PIN4: variants seen among roughly 807,000 people sequenced by gnomAD.
The protein encoded by PIN4 is peptidylprolyl cis/trans isomerase, NIMA-interacting 4, also known as peptidyl-prolyl cis-trans isomerase NIMA-interacting 4.
In PIN4, 3 loss-of-function variants were observed where a neutral mutation model predicts 8.3. That is an observed-to-expected ratio of 0.36 (90% CI 0.16 to 0.93). The LOEUF is 0.93. PIN4 is among the 40% of genes least tolerant of loss of function. PIN4 has a pLI of 0.44. For synonymous variants in PIN4, 18 were observed against 32.5 expected (o/e 0.55, Z 1.52); for missense variants, 75 against 100.6 (o/e 0.75, Z 1.09).
chrX:72,214,760 G>A (rs916367684), intron 3 of PIN4, among the ~76,000 whole-genome samples: 5 of 111,010 alleles, frequency 4.5e-5, no homozygotes, highest in Admixed American at 9.6e-5. Flanking sequence ...GCCGAGGTGG[G>A]CAGATCACTT....
intron 2 of PIN4, among the ~76,000 whole-genome samples, chrX:72,193,700 G>A (rs1262069512): frequency 2.7e-5 from 3 of 110,688 alleles, no homozygotes; most frequent in Non-Finnish European, 3.8e-5. Flanking sequence ...GTGAAACCCT[G>A]TCTCTACAAA....
intron 3 of PIN4, among the ~76,000 whole-genome samples, chrX:72,242,130 T>A (rs2043051575): frequency 9.0e-6 from 1 of 111,663 alleles, no homozygotes; most frequent in South Asian, 3.8e-4. Flanking sequence ...GTGGTTGTTG[T>A]AGGCATGCCC....
rs144432214 is a variant in PIN4, at chrX:72,244,108, G to T, written c.313-18599G>T. On this transcript the variant is annotated intron_variant, in intron 3 of 3. Transcript: ENST00000423432. ...TGTTGAGCCTTTACAAGATGGTCAC[G>T]TAAGGATCCAGGTGCTGGGGGTAGA... is the stretch of plus-strand genomic sequence containing the variant. 2.6e-3 allele frequency among the ~76,000 whole-genome samples: 288 copies of T among 112,328 alleles called. 4 individuals are homozygous for T. Among genetic ancestry groups the T allele is most frequent in the African/African-American group, 9.0e-3 (279 of 30,972 alleles).
chrX:72,239,068 C>G (rs1340427220), intron 3 of PIN4: 17 of 535,772 alleles, frequency 3.2e-5, no homozygotes, highest in Non-Finnish European at 4.4e-5. Context: ...AACCGACGGC[C>G]TCGCGGCCGG....
intron 3 of PIN4, among the ~76,000 whole-genome samples, chrX:72,222,616 T>A (rs1458483969): frequency 2.2e-5 from 2 of 92,438 alleles, no homozygotes; most frequent in Non-Finnish European, 4.2e-5. Context: ...TTTTTTTTTT[T>A]AGATGGAGTC....
intron 3 of PIN4, among the ~76,000 whole-genome samples, chrX:72,232,381 C>T (rs779067322): frequency 2.9e-4 from 20 of 69,789 alleles, no homozygotes; most frequent in Non-Finnish European, 4.6e-4. Flanking sequence ...CTCAGGAGTT[C>T]GAGACCAGCC....
At chrX:72,236,596 C>T (rs1411474268) in intron 3 of PIN4, among the ~76,000 whole-genome samples, 1 of 111,881 alleles carries the variant, frequency 8.9e-6, no homozygotes, top group East Asian at 2.8e-4. Flanking sequence ...ACCCAGCCTA[C>T]AAAAATCTTT....
At chrX:72,262,946 C>T (rs2043145284) in exon 4 of PIN4, 3 of 397,054 alleles carry the variant, frequency 7.6e-6, no homozygotes, top group Non-Finnish European at 1.3e-5. Context: ...AGAGAAAGTA[C>T]AAGGTGTGCT....
chrX:72,241,295 G>A (rs986098543), intron 3 of PIN4, among the ~76,000 whole-genome samples: 2 of 111,250 alleles, frequency 1.8e-5, no homozygotes, highest in African/African-American at 6.5e-5. Flanking sequence ...CCTACTTCAT[G>A]AATAAATTAG....
intron 2 of PIN4, among the ~76,000 whole-genome samples, chrX:72,193,929 T>A (rs1312226873): frequency 1.8e-5 from 2 of 111,458 alleles, no homozygotes; most frequent in Admixed American, 1.9e-4. Context: ...AGAAAATAGT[T>A]TTGTACAGTT....
chrX:72,187,384 G>A (rs1344272589), intron 2 of PIN4, among the ~76,000 whole-genome samples: 3 of 112,261 alleles, frequency 2.7e-5, no homozygotes, highest in South Asian at 7.3e-4. Flanking sequence ...CCATGTTTTA[G>A]TCAGGATATG....
chrX:72,205,097 C>G (rs763990925), intron 3 of PIN4: 2 of 1,210,102 alleles, frequency 1.7e-6, no homozygotes, highest in African/African-American at 3.5e-5. Context: ...AGCGCTTTAA[C>G]TAAGCAGTTT....
chrX:72,246,531 T>C (rs1021870751), intron 3 of PIN4, among the ~76,000 whole-genome samples: 1 of 111,909 alleles, frequency 8.9e-6, no homozygotes, highest in African/African-American at 3.3e-5. Context: ...GATCAAGTCC[T>C]GCCTCCTTAC....
chrX:72,191,032 A>T (rs1467526800), intron 2 of PIN4, among the ~76,000 whole-genome samples: 1 of 108,857 alleles, frequency 9.2e-6, no homozygotes, highest in African/African-American at 3.4e-5. Flanking sequence ...GACTACTAAT[A>T]CTTGGTCTCT....
At chrX:72,249,566 A>G (rs1392763622) in intron 3 of PIN4, among the ~76,000 whole-genome samples, 1 of 112,170 alleles carries the variant, frequency 8.9e-6, no homozygotes, top group African/African-American at 3.2e-5. Flanking sequence ...TGGTGTATCC[A>G]TACAAGGGAA....
intron 3 of PIN4, among the ~76,000 whole-genome samples, chrX:72,243,447 TGAC>T (rs1203490915): frequency 9.1e-6 from 1 of 110,123 alleles, no homozygotes; most frequent in East Asian, 2.8e-4. Flanking sequence ...CAAAATGATA[TGAC>T]ATCTGGGACT....
At chrX:72,210,652 C>T (rs2042849052) in intron 3 of PIN4, among the ~76,000 whole-genome samples, 2 of 111,422 alleles carry the variant, frequency 1.8e-5, no homozygotes, top group South Asian at 7.6e-4. Flanking sequence ...AGAGTCCCCA[C>T]TAATCACACA....
intron 3 of PIN4, among the ~76,000 whole-genome samples, chrX:72,236,484 C>T (rs1220929037): frequency 6.3e-5 from 7 of 110,670 alleles, no homozygotes; most frequent in Non-Finnish European, 1.3e-4. Context: ...TTAGTAGAGA[C>T]GGGGCTTCAC....
intron 3 of PIN4, among the ~76,000 whole-genome samples, chrX:72,258,659 C>T (rs1404833284): frequency 9.0e-6 from 1 of 111,332 alleles, no homozygotes; most frequent in African/African-American, 3.3e-5. Context: ...TGCCTGGGTT[C>T]CCATCCAGCC....
Sources: allele counts gnomAD v4.1 joint callset (sites outside exome capture counted in the v4.1 genomes callset), GRCh38; gene constraint gnomAD v4.1.1; transcripts MANE v1.5; gene names NCBI Gene and HGNC (gene_info 2026-07-23, HGNC 2026-07-21).